Variants in ESF1 observed in about 807,000 individuals in gnomAD.
ESF1 encodes the protein ESF1 nucleolar pre-rRNA processing protein.
In ESF1, 58 loss-of-function variants were observed where a neutral mutation model predicts 92.0. That is an observed-to-expected ratio of 0.63 (90% CI 0.51 to 0.78). The LOEUF is 0.78. Among genes scored for constraint, ESF1 ranks in the 30% least tolerant of loss-of-function variants. The pLI, the probability that ESF1 is intolerant of heterozygous loss-of-function variation, is 0.00. For synonymous variants in ESF1, 321 were observed against 313.7 expected (o/e 1.02, Z -0.24); for missense variants, 922 against 989.1 (o/e 0.93, Z 0.91).
In ESF1 at chr20:13,759,727, T is replaced by C. The variant is rs779504753; in HGVS notation, c.1793A>G (p.Glu598Gly). 6.4e-7 allele frequency: 1 copy of C among 1,572,646 alleles called. No individual in the cohort carries two copies. Among genetic ancestry groups the C allele is most frequent in the Admixed American group, 2.1e-5 (1 of 46,622 alleles). ...VIQEKEKKGK[E>G]NDMEMEIKWV... ...TTTAATTTCCATTTCCATATCATTTTCTTTGCCTTTCTTTTCTTTTTCTTG... is the reference window on the plus strand; with the variant it reads ...TTTAATTTCCATTTCCATATCATTTCCTTTGCCTTTCTTTTCTTTTTCTTG... Residue 598 changes from glutamate (E) to glycine (G), a missense_variant, in exon 9 of 14, where the codon GAA becomes GGA. Glu to Gly is a moderately conservative substitution (Grantham distance 98, BLOSUM62 -2). Coordinates refer to ENST00000617257, the MANE Select transcript of ESF1 (RefSeq NM_001276380.2).
intron 9 of ESF1, among the ~76,000 whole-genome samples, chr20:13,750,765 G>A (rs1978596991): frequency 6.6e-6 from 1 of 152,150 alleles, no homozygotes; most frequent in African/African-American, 2.4e-5. Context: ...GACAGCTTGA[G>A]GCCAGGATTT....
intron 9 of ESF1, among the ~76,000 whole-genome samples, chr20:13,749,569 T>C (rs760336347): frequency 6.6e-6 from 1 of 151,996 alleles, no homozygotes; most frequent in Non-Finnish European, 1.5e-5. Flanking sequence ...GTCTTTTTTA[T>C]TTTTTAATTT....
chr20:13,748,645 T>C (rs1978445674), intron 9 of ESF1, among the ~76,000 whole-genome samples: 2 of 148,110 alleles, frequency 1.4e-5, no homozygotes, highest in South Asian at 4.3e-4. Context: ...TGGAGTGCAG[T>C]GGCGCGATCT....
chr20:13,735,954 T>A (rs1411820211), intron 9 of ESF1, among the ~76,000 whole-genome samples: 1 of 152,118 alleles, frequency 6.6e-6, no homozygotes, highest in Non-Finnish European at 1.5e-5. Context: ...AACACTGTAC[T>A]GGAAAAACTT....
rs79611500 is a variant in ESF1 at position 13,716,190 on chromosome 20, T to G, written c.2263-1023A>C. Among the ~76,000 whole-genome samples, 827 of 152,312 alleles carry G rather than the reference T, an allele frequency of 5.4e-3. 13 individuals are homozygous for G. Among genetic ancestry groups the G allele is most frequent in the African/African-American group, 0.019 (773 of 41,566 alleles). On this transcript the variant is annotated intron_variant, in intron 13 of 13. Coordinates refer to ENST00000617257, the MANE Select transcript of ESF1 (RefSeq NM_001276380.2). Reference sequence around the variant, plus strand: ...CTTACTCAGGGTCAGTTCTTCCACATTAATGGTTGGAAGTCATTAAGCAGT... The same window carrying G: ...CTTACTCAGGGTCAGTTCTTCCACAGTAATGGTTGGAAGTCATTAAGCAGT...
At position 13,776,245 on chromosome 20, in the gene ESF1, G is replaced by A; in HGVS notation, c.663C>T (p.Asp221=). 2 of 1,612,996 alleles carry A rather than the reference G, an allele frequency of 1.2e-6. No homozygotes were observed. The highest frequency in any genetic ancestry group is 1.7e-6 in the Non-Finnish European group (2 of 1,179,672). The change falls in exon 3 of 14, where the codon GAC becomes GAT. Residue 221 remains aspartate (D), a synonymous_variant. Transcript: ENST00000617257. The stretch of plus-strand genomic sequence containing the variant: ...CTGTTGAGTTTTCATAACCATCACT[G>A]TCTCTTGTCATTATGAGTTGAACCA... ...QSVVQLIMTR[D]SDGYENSTDG...
chr20:13,740,336 CT>C (rs1284885967), intron 9 of ESF1, among the ~76,000 whole-genome samples: 10 of 152,024 alleles, frequency 6.6e-5, no homozygotes, highest in Non-Finnish European at 1.2e-4. Context: ...TATATCAGCA[CT>C]TTTAAAAAAC....
intron 9 of ESF1, among the ~76,000 whole-genome samples, chr20:13,749,728 G>A (rs964564450): frequency 3.3e-5 from 5 of 151,834 alleles, no homozygotes; most frequent in African/African-American, 1.2e-4. Context: ...ACCATGCCTG[G>A]CTAATTTTTT....
At chr20:13,719,647 G>A (rs1359344402) in intron 11 of ESF1, among the ~76,000 whole-genome samples, 1 of 152,006 alleles carries the variant, frequency 6.6e-6, no homozygotes, top group Non-Finnish European at 1.5e-5. Context: ...GTGAATTTAA[G>A]AGTTAAATAT....
intron 9 of ESF1, among the ~76,000 whole-genome samples, chr20:13,743,643 T>G (rs376352573): frequency 6.6e-6 from 1 of 152,154 alleles, no homozygotes; most frequent in Non-Finnish European, 1.5e-5. Flanking sequence ...AAATACCTAG[T>G]AGAGTTCATT....
Position 13,783,022 on chromosome 20 carries a change from G to C in ESF1, c.119C>G (p.Ala40Gly). 6.2e-7 allele frequency: 1 copy of C among 1,614,066 alleles called. No homozygotes were observed. The highest frequency in any genetic ancestry group is 1.1e-5 in the South Asian group (1 of 91,070). Residue 40 changes from alanine to glycine, a missense_variant, in exon 2 of 14, where the codon GCC (alanine) becomes GGC (glycine). Physicochemically the swap from Ala to Gly is moderately conservative, Grantham distance 60. Transcript: ENST00000617257. ...RKVKIDKRFR[A>G]MFHDKKFKLN... ...CTTGAACTTCTTGTCATGAAACATG[G>C]CTCGAAATCTCTTGTCAATTTTGAC...
chr20:13,740,340 T>C (rs1332082919), intron 9 of ESF1, among the ~76,000 whole-genome samples: 1 of 151,698 alleles, frequency 6.6e-6, no homozygotes, highest in Non-Finnish European at 1.5e-5. Flanking sequence ...TCAGCACTTT[T>C]AAAAAACAAA....
At chr20:13,772,211 C>T (rs1387640382) in intron 5 of ESF1, among the ~76,000 whole-genome samples, 1 of 148,702 alleles carries the variant, frequency 6.7e-6, no homozygotes, top group East Asian at 2.0e-4. Flanking sequence ...AAAAGCAAAA[C>T]GTACTAATTC....
intron 11 of ESF1, among the ~76,000 whole-genome samples, chr20:13,725,556 C>T (rs552064114): frequency 6.6e-6 from 1 of 152,316 alleles, no homozygotes; most frequent in South Asian, 2.1e-4. Context: ...CTGTGAGCCA[C>T]TACATTAATA....
At chr20:13,748,594 T>TA (rs1978439959) in intron 9 of ESF1, among the ~76,000 whole-genome samples, 1 of 16,182 alleles carries the variant, frequency 6.2e-5, no homozygotes, top group African/African-American at 1.7e-4. Context: ...ATATATATAT[T>TA]TTTTTTTTTT....
chr20:13,748,403 T>TATATACACGTATATATAC (rs1978377118), intron 9 of ESF1, among the ~76,000 whole-genome samples: 6 of 117,782 alleles, frequency 5.1e-5, no homozygotes, highest in African/African-American at 2.0e-4. Flanking sequence ...TCAAAGGATA[T>TATATACACGTATATATAC]ATATACACAT....
rs1236955079 is a variant in ESF1, at chr20:13,716,836, T to A, written c.2262+532A>T. On this transcript the variant is annotated intron_variant, in intron 13 of 13. Transcript: ENST00000617257. ...TTTTTTTTTTTTTTTTTTTTTTTTT[T>A]AGACAGAGTCTTGCTCTGTCACCTG... 6.1e-3 allele frequency among the ~76,000 whole-genome samples: 664 copies of A among 108,802 alleles called. 14 individuals are homozygous for A. The highest frequency in any genetic ancestry group is 0.02 in the African/African-American group (610 of 29,922). 71.4% of individuals were successfully genotyped at this position (108,802 alleles called of 152,430 possible).
chr20:13,763,251 C>CA (rs771914160), intron 8 of ESF1, among the ~76,000 whole-genome samples: 1 of 152,188 alleles, frequency 6.6e-6, no homozygotes, highest in Non-Finnish European at 1.5e-5. Flanking sequence ...ATTAGATCCT[C>CA]ATTTCACAGC....
At chr20:13,719,188 C>A (rs1302912530) in intron 11 of ESF1, among the ~76,000 whole-genome samples, 1 of 152,056 alleles carries the variant, frequency 6.6e-6, no homozygotes, top group Non-Finnish European at 1.5e-5. Context: ...GGAGTGACTG[C>A]ATGTTACAAA....
Sources: gnomAD v4.1 joint callset for allele counts (sites outside exome capture counted in the v4.1 genomes callset) on GRCh38, gnomAD v4.1.1 for gene constraint, MANE v1.5 for transcripts, NCBI Gene and HGNC (gene_info 2026-07-23, HGNC 2026-07-21) for gene names.